COQ8B: variants seen among roughly 807,000 people sequenced by gnomAD.
The protein encoded by COQ8B is coenzyme Q8B, also known as atypical kinase COQ8B, mitochondrial.
Under a neutral mutation model 62.0 loss-of-function variants are expected in COQ8B, and 44 were observed. That is an observed-to-expected ratio of 0.71 (90% CI 0.56 to 0.91). The LOEUF is 0.91. Ranked by LOEUF, COQ8B falls within the 40% of genes least tolerant of loss-of-function variation. COQ8B has a pLI of 0.00. For missense variants in COQ8B, 649 were observed against 731.6 expected (o/e 0.89, Z 1.30); for synonymous variants, 252 against 289.9 (o/e 0.87, Z 1.33).
chr19:40,708,010 T>C (rs1568441993), intron 5 of COQ8B: 1 of 152,244 alleles, frequency 6.6e-6, no homozygotes, highest in Non-Finnish European at 1.5e-5. Flanking sequence ...CCTGGGTTTA[T>C]ATGCAAATTA....
intron 5 of COQ8B, among the ~76,000 whole-genome samples, chr19:40,708,657 G>A (rs1308550757): frequency 6.6e-6 from 1 of 152,052 alleles, no homozygotes; most frequent in East Asian, 1.9e-4. Flanking sequence ...GCTGGGTGTG[G>A]TGGCTCATGC....
chr19:40,710,241 CTTTT>C, intron 4 of COQ8B, 105 bp from the exon 5 acceptor site: 4 of 1,079,360 alleles, frequency 3.7e-6, no homozygotes, highest in South Asian at 2.7e-5. Flanking sequence ...TCTCCCAACT[CTTTT>C]TATTTTTTCT....
At chr19:40,696,091 C>A in intron 12 of COQ8B, 37 bp from the exon 13 acceptor site, 1 of 1,600,048 alleles carries the variant, frequency 6.2e-7, no homozygotes, top group Non-Finnish European at 8.6e-7. Flanking sequence ...TGCTGGGATC[C>A]CATTCACACC....
At chr19:40,709,452 C>G (rs1172293320) in intron 5 of COQ8B, among the ~76,000 whole-genome samples, 2 of 152,226 alleles carry the variant, frequency 1.3e-5, no homozygotes, top group Non-Finnish European at 2.9e-5. Flanking sequence ...ACATCTAATT[C>G]CATCTCTGAT....
intron 5 of COQ8B, 43 bp from the exon 6 acceptor site, chr19:40,705,490 T>A: frequency 6.6e-7 from 1 of 1,503,778 alleles, no homozygotes. Flanking sequence ...ACAAATATCA[T>A]CACTGCGGCC....
At chr19:40,697,843 T>TAGAGAGAGAGAGAGAGAGAG (rs1406997268) in intron 12 of COQ8B, among the ~76,000 whole-genome samples, 1 of 48,778 alleles carries the variant, frequency 2.1e-5, no homozygotes, top group Admixed American at 1.7e-4. Context: ...TATATATATA[T>TAGAGAGAGAGAGAGAGAGAG]ATATATATAG....
At position 40,695,865 on chromosome 19, in the gene COQ8B, G is replaced by A. The variant is rs182723600; in HGVS notation, c.1209+124C>T. On this transcript the variant is annotated intron_variant, in intron 13 of 14. Coordinates refer to ENST00000324464, the MANE Select transcript of COQ8B (RefSeq NM_024876.4). ...GTGCTTGGTGTGTGCTAGTTGCTAC[G>A]AGTATTACTATTATTTATTATTTCT... 10,716 of 996,428 alleles carry A rather than the reference G, an allele frequency of 0.011. 103 individuals are homozygous for A. Among genetic ancestry groups the A allele is most frequent in the Non-Finnish European group, 0.014 (8,627 of 634,578 alleles). The allele number at this position is 996,428 out of a possible 1,614,324, so 61.7% of individuals were successfully genotyped here. A position where few individuals can be genotyped will look rare whatever the true frequency, so the allele number is the denominator to read the frequency against.
At chr19:40,715,219 C>A (rs2082176790) in intron 1 of COQ8B, 5 of 984,894 alleles carry the variant, frequency 5.1e-6, no homozygotes, top group African/African-American at 1.7e-5. Flanking sequence ...CAGAGAGAGG[C>A]CCTAGCGATG....
Position 40,692,233 on chromosome 19 carries a change from A to G in COQ8B, c.1437T>C (p.Cys479=). 1.2e-6 allele frequency: 2 copies of G among 1,609,256 alleles called. No homozygotes were observed. Among genetic ancestry groups the G allele is most frequent in the Non-Finnish European group, 1.7e-6 (2 of 1,177,800 alleles). The stretch of plus-strand genomic sequence containing the variant: ...GGGCATAGGTCTCCTCGGGTGGGGG[A>G]CACAGCCGGTGCCGCAGCAGCACCG... ...LIPVLLRHRL[C]PPPEETYALH... is the part of the protein sequence containing the mutation. Residue 479 remains cysteine, a synonymous_variant, in exon 15 of 15, where the codon TGT becomes TGC. Transcript: ENST00000324464.
At position 40,714,130 on chromosome 19, in the gene COQ8B, T is replaced by A. The variant is rs761138042; in HGVS notation, c.226A>T (p.Ser76Cys). 6.2e-7 allele frequency: 1 copy of A among 1,614,036 alleles called. No homozygotes were observed. The highest frequency in any genetic ancestry group is 1.3e-5 in the African/African-American group (1 of 74,906). The change falls in exon 4 of 15, where the codon AGT (serine) becomes TGT (cysteine). Residue 76 changes from serine to cysteine, a missense_variant. Coordinates refer to ENST00000324464, the MANE Select transcript of COQ8B (RefSeq NM_024876.4). ...RPRKTPRPQL[S>C]DRSRERKVPA... ...ACCTTGCGTTCTCGAGAGCGGTCAC[T>A]CAGCTGGGAAATGGGGACAAGGTCT... is the stretch of plus-strand genomic sequence containing the variant.
chr19:40,709,938 G>C, intron 5 of COQ8B, 121 bp downstream of exon 5: 1 of 938,792 alleles, frequency 1.1e-6, no homozygotes, highest in South Asian at 1.5e-5. Flanking sequence ...CTAAGAGGTG[G>C]GTAAATTATC....
In COQ8B at chr19:40,700,416, G is replaced by C; in HGVS notation, c.929C>G (p.Pro310Arg). The change falls in exon 11 of 15, where the codon CCA (proline) becomes CGA (arginine). Residue 310 changes from proline to arginine, a missense_variant. Physicochemically the swap from Pro to Arg is moderately radical, Grantham distance 103. Transcript: ENST00000324464. ...LLANDPFFRV[P>R]AVVKELCTTR... ...CGTGCACAGCTCCTTAACCACGGCT[G>C]GGACCCGGAAGAAGGGGTCATTTGC... The C allele has an allele frequency of 6.2e-7, 1 of 1,614,038 alleles. No individual in the cohort carries two copies. Among genetic ancestry groups the C allele is most frequent in the Non-Finnish European group, 8.5e-7 (1 of 1,179,988 alleles).
intron 4 of COQ8B, among the ~76,000 whole-genome samples, chr19:40,712,412 G>GAAA (rs797020409): frequency 9.6e-6 from 1 of 104,084 alleles, no homozygotes; most frequent in Non-Finnish European, 2.0e-5. Context: ...GTCTCCCTAA[G>GAAA]AAAAAAAAAA....
chr19:40,698,291 A>AT (rs1050730552), intron 12 of COQ8B, among the ~76,000 whole-genome samples: 5 of 150,002 alleles, frequency 3.3e-5, no homozygotes, highest in Non-Finnish European at 5.9e-5. Context: ...CATCTATTCC[A>AT]TAAAAAAAAA....
At chr19:40,711,597 C>T (rs1294664589) in intron 4 of COQ8B, among the ~76,000 whole-genome samples, 2 of 152,174 alleles carry the variant, frequency 1.3e-5, no homozygotes, top group Non-Finnish European at 2.9e-5. Flanking sequence ...AGATCTCTTT[C>T]TCTCTTTTCC....
In COQ8B at chr19:40,703,545, G is replaced by A. The variant is rs150264062; in HGVS notation, c.795C>T (p.Pro265=). The part of the protein sequence containing the change: ...LAVLKMSAAL[P]AGLFAEQSLQ... ...AGGAGTGGGTGGGCGCCTCACCCGC[G>A]GGCAGGGCCGCGCTCATCTTGAGTA... The change falls in exon 9 of 15, where the codon CCC becomes CCT. Residue 265 remains proline (P), a synonymous_variant. Coordinates refer to ENST00000324464, the MANE Select transcript of COQ8B (RefSeq NM_024876.4). 1,195 of 1,600,168 alleles carry A rather than the reference G, an allele frequency of 7.5e-4. 2 individuals are homozygous for A. The highest frequency in any genetic ancestry group is 9.7e-4 in the Non-Finnish European group (1,135 of 1,171,644).
At position 40,705,396 on chromosome 19, in the gene COQ8B, T is replaced by C; in HGVS notation, c.419A>G (p.Glu140Gly). The change falls in exon 6 of 15, where the codon GAG becomes GGG. Residue 140 changes from glutamate (E) to glycine (G), a missense_variant. Transcript: ENST00000324464. ...TGTACATAAGGTCTGCACAATCCGC[T>C]CGGCATTGGCCTCCGACAGGAAGGG... ...SSPFLSEANA[E>G]RIVQTLCTVR... 6.3e-7 allele frequency: 1 copy of C among 1,595,718 alleles called. No homozygotes were observed. The highest frequency in any genetic ancestry group is 8.6e-7 in the Non-Finnish European group (1 of 1,165,530).
chr19:40,700,591 T>G, intron 10 of COQ8B, 140 bp from the exon 11 acceptor site: 1 of 1,103,844 alleles, frequency 9.1e-7, no homozygotes, highest in Middle Eastern at 3.0e-4. Flanking sequence ...CTTGCTGCTG[T>G]CTGCCCTGGG....
intron 10 of COQ8B, 94 bp from the exon 11 acceptor site, chr19:40,700,545 G>T: frequency 1.4e-6 from 2 of 1,464,912 alleles, no homozygotes; most frequent in South Asian, 2.6e-5. Flanking sequence ...AGTCCTCCAT[G>T]AACAGTCTGC....
Sources: allele counts gnomAD v4.1 joint callset (sites outside exome capture counted in the v4.1 genomes callset), GRCh38; gene constraint gnomAD v4.1.1; transcripts MANE v1.5; gene names NCBI Gene and HGNC (gene_info 2026-07-23, HGNC 2026-07-21).